ADCY2: variants seen among roughly 807,000 people sequenced by gnomAD.
ADCY2 encodes adenylate cyclase 2.
ADCY2 carries 31 observed loss-of-function variants against 125.2 expected under a neutral mutation model. That is an observed-to-expected ratio of 0.25 (90% confidence interval 0.19 to 0.33). ADCY2 has a LOEUF of 0.33. Among genes scored for constraint, ADCY2 ranks in the 10% least tolerant of loss-of-function variants. The pLI is 1.00. For missense variants in ADCY2, 904 were observed against 1,418.2 expected (o/e 0.64, Z 5.82); for synonymous variants, 512 against 548.4 (o/e 0.93, Z 0.93).
intron 1 of ADCY2, among the ~76,000 whole-genome samples, chr5:7,409,048 C>T (rs1739611828): frequency 6.6e-6 from 1 of 152,118 alleles, no homozygotes; most frequent in Non-Finnish European, 1.5e-5. Context: ...ACTATGCAGC[C>T]ATGAAAAACA....
chr5:7,493,988 A>G (rs1018202637), intron 2 of ADCY2, among the ~76,000 whole-genome samples: 2 of 152,042 alleles, frequency 1.3e-5, no homozygotes, highest in African/African-American at 4.8e-5. Flanking sequence ...TCCTCTGGAA[A>G]AGCCGAGCTG....
chr5:7,523,846 C>T (rs1027788830), intron 3 of ADCY2, among the ~76,000 whole-genome samples: 2 of 152,062 alleles, frequency 1.3e-5, no homozygotes, highest in South Asian at 2.1e-4. Flanking sequence ...AGAGGTTGCC[C>T]GCAAACTATA....
chr5:7,484,417 C>T (rs923801384), intron 2 of ADCY2, among the ~76,000 whole-genome samples: 1 of 152,060 alleles, frequency 6.6e-6, no homozygotes, highest in Non-Finnish European at 1.5e-5. Flanking sequence ...GTGAGTGTGC[C>T]TGTTGATCTA....
chr5:7,758,761 G>A (rs1743098451), intron 16 of ADCY2, among the ~76,000 whole-genome samples: 1 of 152,070 alleles, frequency 6.6e-6, no homozygotes, highest in Admixed American at 6.5e-5. Context: ...AATCCTGGAG[G>A]GCGGAAAGGA....
intron 14 of ADCY2, among the ~76,000 whole-genome samples, chr5:7,728,739 T>C (rs1742009172): frequency 6.6e-6 from 1 of 152,194 alleles, no homozygotes; most frequent in South Asian, 2.1e-4. Flanking sequence ...TTCATTAATT[T>C]TTCTACATCT....
Position 7,602,067 on chromosome 5 carries a change from G to A in ADCY2, c.571-24100G>A, listed in dbSNP as rs975149383. On this transcript the variant is annotated intron_variant, in intron 3 of 24. Transcript: ENST00000338316. ...TGTCTGTATCTTCACATGGCCTTCTGCACTGTGTTTTCTCTTCTTAGAAGG... is the reference window on the plus strand; with the variant it reads ...TGTCTGTATCTTCACATGGCCTTCTACACTGTGTTTTCTCTTCTTAGAAGG... 2.6e-5 allele frequency among the ~76,000 whole-genome samples: 4 copies of A among 152,154 alleles called. No individual in the cohort carries two copies. The South Asian group carries it at 8.3e-4, about 31-fold the overall frequency.
chr5:7,727,346 G>T lies in ADCY2; in HGVS notation c.1871+85G>T. 2.6e-6 allele frequency: 3 copies of T among 1,156,268 alleles called. No homozygotes were observed. The South Asian group carries it at 4.0e-5, about 16-fold the overall frequency. The allele number at this position is 1,156,268 out of a possible 1,614,324, so 71.6% of individuals were successfully genotyped here. A position where few individuals can be genotyped will look rare whatever the true frequency, so the allele number is the denominator to read the frequency against. The stretch of plus-strand genomic sequence containing the variant: ...GTTATATTTAAAGGTGTGAAAGGAT[G>T]CTAATGTTTAGACAGAGGGGTGATT... On this transcript the variant is annotated intron_variant, in intron 14 of 24. Coordinates refer to ENST00000338316, the MANE Select transcript of ADCY2 (RefSeq NM_020546.3).
At chr5:7,660,292 G>A (rs1561150959) in intron 4 of ADCY2, among the ~76,000 whole-genome samples, 2 of 151,298 alleles carry the variant, frequency 1.3e-5, no homozygotes, top group African/African-American at 4.9e-5. Flanking sequence ...AGGAAGGAAG[G>A]AAGGAAGGAC....
chr5:7,440,455 A>G (rs368147563), intron 2 of ADCY2, among the ~76,000 whole-genome samples: 20 of 152,332 alleles, frequency 1.3e-4, no homozygotes, highest in African/African-American at 4.1e-4. Context: ...TTTGCGTTTC[A>G]GAGTTGAAAC....
chr5:7,808,714 C>A (rs1354653799), intron 22 of ADCY2, among the ~76,000 whole-genome samples: 2 of 152,178 alleles, frequency 1.3e-5, no homozygotes, highest in African/African-American at 2.4e-5. Flanking sequence ...CCTCCACCAG[C>A]CCCCACCCTT....
At chr5:7,581,285 A>G (rs1487193012) in intron 3 of ADCY2, among the ~76,000 whole-genome samples, 3 of 152,194 alleles carry the variant, frequency 2.0e-5, no homozygotes, top group South Asian at 2.1e-4. Flanking sequence ...GATAGTATAT[A>G]GTGTATGTGT....
At chr5:7,808,098 A>T (rs908802447) in intron 22 of ADCY2, among the ~76,000 whole-genome samples, 1 of 152,214 alleles carries the variant, frequency 6.6e-6, no homozygotes, top group Admixed American at 6.5e-5. Flanking sequence ...CTCACTCATC[A>T]GAATGCCAAG....
intron 11 of ADCY2, among the ~76,000 whole-genome samples, chr5:7,714,908 G>A (rs1741550117): frequency 6.6e-6 from 1 of 152,232 alleles, no homozygotes; most frequent in South Asian, 2.1e-4. Context: ...CAAGCAAGGT[G>A]TTGGCATGGG....
chr5:7,435,088 G>T (rs1740746097), intron 2 of ADCY2, among the ~76,000 whole-genome samples: 1 of 152,134 alleles, frequency 6.6e-6, no homozygotes, highest in Non-Finnish European at 1.5e-5. Flanking sequence ...TGTTCTCCTT[G>T]CGTGTTTTCT....
chr5:7,794,802 G>A (rs1472472986), intron 20 of ADCY2: 1 of 152,168 alleles, frequency 6.6e-6, no homozygotes, highest in African/African-American at 2.4e-5. Flanking sequence ...CCCAGGCCAG[G>A]TGGGGCTAAT....
At chr5:7,791,945 G>T (rs1012746408) in intron 20 of ADCY2, among the ~76,000 whole-genome samples, 16 of 152,184 alleles carry the variant, frequency 1.1e-4, no homozygotes, top group African/African-American at 3.4e-4. Flanking sequence ...GGAGACGGGG[G>T]CCAGGGGGAG....
chr5:7,543,907 G>A (rs1369602259), intron 3 of ADCY2, among the ~76,000 whole-genome samples: 3 of 151,172 alleles, frequency 2.0e-5, no homozygotes, highest in Non-Finnish European at 4.4e-5. Context: ...CCACCTACTC[G>A]GGAGGCTGAG....
chr5:7,696,876 T>C (rs1579326574), intron 6 of ADCY2, among the ~76,000 whole-genome samples: 1 of 152,310 alleles, frequency 6.6e-6, no homozygotes, highest in African/African-American at 2.4e-5. Context: ...CTTCCTTCCT[T>C]TACCAAGCCA....
In ADCY2 at chr5:7,627,669, G is replaced by A. The variant is rs533169530; in HGVS notation, c.720+1353G>A. 2.6e-5 allele frequency among the ~76,000 whole-genome samples: 4 copies of A among 152,344 alleles called. No homozygotes were observed. The South Asian group carries it at 8.3e-4, about 32-fold the overall frequency. ...TCACTCTATAAAATTTCATCAAAGT[G>A]TATTGTGGTAGGAGCAAAAAGTATA... is the stretch of plus-strand genomic sequence containing the variant. On this transcript the variant is annotated intron_variant, in intron 4 of 24. Transcript: ENST00000338316.
Sources: allele counts gnomAD v4.1 joint callset (sites outside exome capture counted in the v4.1 genomes callset), GRCh38; gene constraint gnomAD v4.1.1; transcripts MANE v1.5; gene names NCBI Gene and HGNC (gene_info 2026-07-23, HGNC 2026-07-21).